The following LDB2 variants were observed in gnomAD, a reference collection of about 807,000 sequenced individuals.
LDB2 encodes the protein LIM domain-binding protein 2.
Under a neutral mutation model 44.3 loss-of-function variants are expected in LDB2, and 12 were observed. The ratio of observed to expected loss-of-function variants is 0.27; its 90% CI spans 0.17 to 0.44. The LOEUF (loss-of-function observed/expected upper bound fraction) is 0.44, where lower values mean the gene tolerates loss of function less well. LDB2 is among the 20% of genes least tolerant of loss of function. The pLI is 1.00. For synonymous variants in LDB2, 164 were observed against 174.8 expected, an observed-to-expected ratio of 0.94 and a Z score of 0.49; for missense variants, 344 against 473.5, an observed-to-expected ratio of 0.73 and a Z score of 2.54.
chr4:16,565,972 A>C (rs915681048), intron 5 of LDB2, among the ~76,000 whole-genome samples: 1 of 152,098 alleles, frequency 6.6e-6, no homozygotes, highest in East Asian at 1.9e-4. Context: ...ATCTATACAT[A>C]CACACATATA....
intron 2 of LDB2, among the ~76,000 whole-genome samples, chr4:16,644,829 C>T (rs1016802305): frequency 5.9e-5 from 9 of 152,082 alleles, no homozygotes; most frequent in South Asian, 2.1e-4. Flanking sequence ...AGTTCTTTTC[C>T]GATCATCTTC....
At chr4:16,537,227 A>G (rs1372148419) in intron 5 of LDB2, among the ~76,000 whole-genome samples, 11 of 152,170 alleles carry the variant, frequency 7.2e-5, no homozygotes, top group Admixed American at 3.9e-4. Flanking sequence ...CAAGCAAACT[A>G]TGGGAGAGTT....
intron 2 of LDB2, among the ~76,000 whole-genome samples, chr4:16,693,407 A>G (rs1448145116): frequency 5.0e-5 from 7 of 141,406 alleles, no homozygotes; most frequent in East Asian, 4.2e-4. Flanking sequence ...GCTGGAATGC[A>G]GTGACTGACG....
chr4:16,570,354 T>C (rs959793138), intron 5 of LDB2, among the ~76,000 whole-genome samples: 3 of 149,020 alleles, frequency 2.0e-5, no homozygotes, highest in African/African-American at 7.4e-5. Context: ...TTCCAGCTAC[T>C]GGGGAGGCTG....
Position 16,568,632 on chromosome 4 carries a change from C to T in LDB2, c.615+17290G>A, listed in dbSNP as rs896729767. ...CTCAGCATACTCAGGAGATTGGTTC[C>T]AGGACCCCCACGAACACCCAAATCT... On this transcript the variant is annotated intron_variant, in intron 5 of 7. Coordinates refer to ENST00000304523, the MANE Select transcript of LDB2 (RefSeq NM_001290.5). Among the ~76,000 whole-genome samples the T allele has an allele frequency of 3.3e-5, 5 of 152,212 alleles. No individual in the cohort carries two copies. In the South Asian group the frequency reaches 6.2e-4, roughly 19 times the overall value.
chr4:16,779,161 C>T (rs973696407), intron 1 of LDB2, among the ~76,000 whole-genome samples: 38 of 152,124 alleles, frequency 2.5e-4, no homozygotes, highest in African/African-American at 8.2e-4. Context: ...CAGAACTTGG[C>T]TTTGGGAGCC....
At chr4:16,605,938 G>A (rs1194553471) in intron 2 of LDB2, among the ~76,000 whole-genome samples, 1 of 152,092 alleles carries the variant, frequency 6.6e-6, no homozygotes, top group East Asian at 1.9e-4. Context: ...CCTTTCTATG[G>A]TGTTAAGACA....
chr4:16,674,342 G>T, intron 2 of LDB2: 1 of 1,119,082 alleles, frequency 8.9e-7, no homozygotes, highest in Non-Finnish European at 1.2e-6. Context: ...AGTGCTCTTT[G>T]TCTCTGAGAT....
At chr4:16,656,610 G>A (rs951714008) in intron 2 of LDB2, among the ~76,000 whole-genome samples, 4 of 152,228 alleles carry the variant, frequency 2.6e-5, no homozygotes, top group Non-Finnish European at 5.9e-5. Context: ...TCGGCAAGAT[G>A]ACATTTCCAT....
intron 2 of LDB2, among the ~76,000 whole-genome samples, chr4:16,645,706 G>C (rs1736610880): frequency 6.6e-6 from 1 of 152,180 alleles, no homozygotes; most frequent in Non-Finnish European, 1.5e-5. Flanking sequence ...AACAGAAGCA[G>C]GGATCTTTTT....
rs747933494 is a variant in LDB2 at position 16,585,912 on chromosome 4, T to C, written c.615+10A>G. ...CTCACCAAAAAATAAAATCATTCGA[T>C]TGATCTTACCCTGAGGTAGTTGAGG... On this transcript the variant is annotated intron_variant, in intron 5 of 7. Coordinates refer to ENST00000304523, the MANE Select transcript of LDB2 (RefSeq NM_001290.5). 25 of 1,604,792 alleles carry C rather than the reference T, an allele frequency of 1.6e-5. No homozygotes were observed. The highest frequency in any genetic ancestry group is 6.7e-5 in the Admixed American group (4 of 59,952).
chr4:16,619,197 A>AT lies in LDB2; in HGVS notation c.236-23323dup, dbSNP rs571711504. ...TTAGAAAACAAAAACAAAAGCAAAA[A>AT]TTTTTTGCTGTGATTGACAACTAGG... On this transcript the variant is annotated intron_variant, in intron 2 of 7. Transcript: ENST00000304523. Among the ~76,000 whole-genome samples the AT allele has an allele frequency of 1.3e-3, 193 of 152,062 alleles. 1 individual carries two copies. Among genetic ancestry groups the AT allele is most frequent in the African/African-American group, 4.3e-3 (177 of 41,486 alleles).
chr4:16,837,284 A>G (rs1032724480), intron 1 of LDB2, among the ~76,000 whole-genome samples: 3 of 152,174 alleles, frequency 2.0e-5, no homozygotes, highest in African/African-American at 4.8e-5. Context: ...TTGGAGAACT[A>G]CCATATATAT....
At chr4:16,633,239 AG>A (rs971248008) in intron 2 of LDB2, among the ~76,000 whole-genome samples, 2 of 152,298 alleles carry the variant, frequency 1.3e-5, no homozygotes, top group Non-Finnish European at 2.9e-5. Flanking sequence ...TTGAACAATG[AG>A]AACACTTGCA....
chr4:16,865,208 C>A (rs995740542), intron 1 of LDB2, among the ~76,000 whole-genome samples: 2 of 152,036 alleles, frequency 1.3e-5, no homozygotes. Flanking sequence ...GCAGAGACAG[C>A]GCCACTGCAC....
intron 2 of LDB2, among the ~76,000 whole-genome samples, chr4:16,690,308 A>T (rs1326739672): frequency 6.6e-6 from 1 of 151,514 alleles, no homozygotes; most frequent in East Asian, 1.9e-4. Flanking sequence ...TAAAAATACA[A>T]AAAAATTAGC....
At chr4:16,658,942 C>A (rs886933029) in intron 2 of LDB2, among the ~76,000 whole-genome samples, 3 of 152,152 alleles carry the variant, frequency 2.0e-5, no homozygotes, top group African/African-American at 7.2e-5. Flanking sequence ...ATTGTGCTGT[C>A]TTTTAATTAC....
intron 1 of LDB2, among the ~76,000 whole-genome samples, chr4:16,855,657 T>C (rs1789213892): frequency 6.6e-6 from 1 of 152,082 alleles, no homozygotes; most frequent in Non-Finnish European, 1.5e-5. Context: ...TTGAAAAAAA[T>C]AAAGGTTAGG....
intron 1 of LDB2, among the ~76,000 whole-genome samples, chr4:16,893,809 T>TA (rs1323325186): frequency 4.6e-5 from 7 of 151,972 alleles, no homozygotes; most frequent in Non-Finnish European, 8.8e-5. Flanking sequence ...TAAATTAGCA[T>TA]GGTGCCAACA....
Sources: gnomAD v4.1 joint callset for allele counts (sites outside exome capture counted in the v4.1 genomes callset) on GRCh38, gnomAD v4.1.1 for gene constraint, MANE v1.5 for transcripts, NCBI Gene and HGNC (gene_info 2026-07-23, HGNC 2026-07-21) for gene names.